STRIP2: variants seen among roughly 807,000 people sequenced by gnomAD.
The protein encoded by STRIP2 is striatin interacting protein 2.
STRIP2 carries 84 observed loss-of-function variants against 107.1 expected under a neutral mutation model. The ratio of observed to expected loss-of-function variants is 0.78; its 90% CI spans 0.66 to 0.94. STRIP2 has a LOEUF of 0.94. Among genes scored for constraint, STRIP2 ranks in the 40% least tolerant of loss-of-function variants. The pLI, the probability that STRIP2 is intolerant of heterozygous loss-of-function variation, is 0.00. For missense variants in STRIP2, 888 were observed against 1,034.2 expected (o/e 0.86, Z 1.94); for synonymous variants, 394 against 400.4 (o/e 0.98, Z 0.19).
At chr7:129,472,500 T>C (rs1798810783) in intron 18 of STRIP2, among the ~76,000 whole-genome samples, 1 of 152,182 alleles carries the variant, frequency 6.6e-6, no homozygotes, top group East Asian at 1.9e-4. Context: ...TTTACTACTT[T>C]GTGTGAAGCA....
chr7:129,447,211 C>CT (rs1798061595), intron 3 of STRIP2, among the ~76,000 whole-genome samples: 1 of 152,192 alleles, frequency 6.6e-6, no homozygotes, highest in Non-Finnish European at 1.5e-5. Context: ...CCACTAAAAA[C>CT]TGGGTGGGGT....
chr7:129,437,015 T>A (rs565349434), intron 1 of STRIP2, among the ~76,000 whole-genome samples: 2 of 152,358 alleles, frequency 1.3e-5, no homozygotes, highest in South Asian at 4.1e-4. Flanking sequence ...TGAGGAAAAT[T>A]CAGGTCATCG....
At chr7:129,468,201 G>A (rs1798715611) in intron 17 of STRIP2, among the ~76,000 whole-genome samples, 2 of 152,162 alleles carry the variant, frequency 1.3e-5, no homozygotes, top group African/African-American at 4.8e-5. Flanking sequence ...AATCAGTAGA[G>A]TTTACCAGAG....
intron 13 of STRIP2, 102 bp from the exon 14 acceptor site, chr7:129,462,864 C>T: frequency 1.2e-6 from 1 of 850,438 alleles, no homozygotes; most frequent in South Asian, 1.6e-5. Context: ...AGATCTGACT[C>T]CCAGCTTAGT....
chr7:129,480,467 G>A (rs1799088845), intron 18 of STRIP2, among the ~76,000 whole-genome samples: 1 of 152,154 alleles, frequency 6.6e-6, no homozygotes, highest in African/African-American at 2.4e-5. Context: ...CTGTATATGG[G>A]GGTAAAATTC....
chr7:129,454,705 C>T (rs769825714), intron 7 of STRIP2, among the ~76,000 whole-genome samples, 178 bp downstream of exon 7: 11 of 152,240 alleles, frequency 7.2e-5, no homozygotes, highest in South Asian at 2.1e-4. Flanking sequence ...GCTTGATTGC[C>T]GCCCTGTATC....
Position 129,485,893 on chromosome 7 carries a change from C to T in STRIP2, c.*64C>T. 1.3e-6 allele frequency: 2 copies of T among 1,583,596 alleles called. No homozygotes were observed. The highest frequency in any genetic ancestry group is 1.1e-5 in the South Asian group (1 of 88,644). On this transcript the variant is annotated 3_prime_UTR_variant, in exon 21 of 21. Coordinates refer to ENST00000249344, the MANE Select transcript of STRIP2 (RefSeq NM_020704.3). ...GCTCCAATAAACTGTGCTCTGCCTA[C>T]CCTGTCCATACAGGCGCTGTTACCA...
intron 19 of STRIP2, among the ~76,000 whole-genome samples, chr7:129,482,536 C>A (rs978468915): frequency 6.6e-5 from 10 of 151,832 alleles, no homozygotes; most frequent in Admixed American, 2.0e-4. Flanking sequence ...TGCCACCACG[C>A]CTGGCTAATT....
chr7:129,434,863 C>G (rs1797689748), intron 1 of STRIP2, among the ~76,000 whole-genome samples: 1 of 152,248 alleles, frequency 6.6e-6, no homozygotes, highest in South Asian at 2.1e-4. Context: ...TTGAGCGGAC[C>G]AGATACTTTC....
Position 129,483,717 on chromosome 7 carries a change from T to C in STRIP2, c.2254+671T>C, listed in dbSNP as rs1374431201. 6.6e-6 allele frequency: 1 copy of C among 152,138 alleles called. No homozygotes were observed. The highest frequency in any genetic ancestry group is 2.4e-5 in the African/African-American group (1 of 41,440). 9.4% of individuals were successfully genotyped at this position (152,138 alleles called of 1,614,324 possible). A position where few individuals can be genotyped will look rare whatever the true frequency, so the allele number is the denominator to read the frequency against. ...GACCACAGGTTGCATCCAGTTGTTA[T>C]ATATATGTTAATTATTTTTGTTTTC... On this transcript the variant is annotated intron_variant, in intron 20 of 20. Coordinates refer to ENST00000249344, the MANE Select transcript of STRIP2 (RefSeq NM_020704.3). The surrounding 1 kb of genome is among the most constrained non-coding windows in gnomAD (Gnocchi z 5.1).
At chr7:129,441,339 ATTGTGACCCAACAAG>A (rs1462836471) in intron 2 of STRIP2, among the ~76,000 whole-genome samples, 2 of 152,062 alleles carry the variant, frequency 1.3e-5, no homozygotes, top group Admixed American at 1.3e-4. Context: ...ATGTGCACAT[ATTGTGACCCAACAAG>A]TCTACTCCTA....
At position 129,467,333 on chromosome 7, in the gene STRIP2, T is replaced by G. The variant is rs753187707; in HGVS notation, c.1777-17T>G. On this transcript the variant is annotated splice_polypyrimidine_tract_variant and intron_variant, in intron 16 of 20. Coordinates refer to ENST00000249344, the MANE Select transcript of STRIP2 (RefSeq NM_020704.3). The stretch of plus-strand genomic sequence containing the variant: ...CCTCCAAATAAGCAGCCCTTTCTGC[T>G]TTGATTTTTAATTCAGTTTGAATAT... The G allele has an allele frequency of 8.8e-6, 14 of 1,596,348 alleles. No individual in the cohort carries two copies. Among genetic ancestry groups the G allele is most frequent in the Non-Finnish European group, 1.0e-5 (12 of 1,164,496 alleles).
chr7:129,476,300 T>C (rs1469448604), intron 18 of STRIP2, among the ~76,000 whole-genome samples: 6 of 110,540 alleles, frequency 5.4e-5, no homozygotes, highest in Non-Finnish European at 1.1e-4. Flanking sequence ...ACTTCCCAGA[T>C]GCGGCGGCTG....
At chr7:129,457,313 G>A (rs760215890) in intron 9 of STRIP2, among the ~76,000 whole-genome samples, 5 of 152,112 alleles carry the variant, frequency 3.3e-5, no homozygotes, top group Non-Finnish European at 5.9e-5. Flanking sequence ...TTACTATACC[G>A]AACACCATAT....
chr7:129,456,338 G>C (rs1273250187), intron 8 of STRIP2, 101 bp from the exon 9 acceptor site: 7 of 995,782 alleles, frequency 7.0e-6, no homozygotes, highest in Non-Finnish European at 9.2e-6. Context: ...GAAGGGACTG[G>C]AGGTTGTGGC....
At chr7:129,474,214 C>T (rs1798861356) in intron 18 of STRIP2, among the ~76,000 whole-genome samples, 1 of 151,616 alleles carries the variant, frequency 6.6e-6, no homozygotes, top group South Asian at 2.1e-4. Context: ...GATCACAGCT[C>T]ACTGCAGTCT....
chr7:129,483,064 T>G lies in STRIP2; in HGVS notation c.2254+18T>G. ...CGGGAATGGTGAGTCTTCCCAAAGC[T>G]CTTGACTTCCTGGAGTTTCCTGGGG... On this transcript the variant is annotated intron_variant, in intron 20 of 20. Transcript: ENST00000249344. This position sits in a 1 kb window ranked among gnomAD's most constrained non-coding sequence, Gnocchi z 5.1. The G allele has an allele frequency of 6.2e-7, 1 of 1,611,942 alleles. No homozygotes were observed. The highest frequency in any genetic ancestry group is 1.3e-5 in the African/African-American group (1 of 74,962).
intron 15 of STRIP2, 145 bp from the exon 16 acceptor site, chr7:129,464,467 C>T (rs1798621931): frequency 2.4e-6 from 2 of 832,048 alleles, no homozygotes. Flanking sequence ...TAAGTGGGAA[C>T]TCTGGAGGTT....
rs1798314080 is a variant in STRIP2 at position 129,455,307 on chromosome 7, G to T, written c.770G>T (p.Cys257Phe). 6.2e-7 allele frequency: 1 copy of T among 1,613,966 alleles called. No homozygotes were observed. Among genetic ancestry groups the T allele is most frequent in the Middle Eastern group, 1.7e-4 (1 of 6,060 alleles). The change falls in exon 8 of 21, where the codon TGC becomes TTC. Residue 257 changes from cysteine (C) to phenylalanine (F), a missense_variant. Coordinates refer to ENST00000249344, the MANE Select transcript of STRIP2 (RefSeq NM_020704.3). Reference protein sequence around the residue: ...LLLFSMVTKFCSGLAPHFPIK... With the variant: ...LLLFSMVTKFFSGLAPHFPIK... ...CTCTTCTCCATGGTTACCAAGTTCT[G>T]CAGTGGCCTGGCTCCTCACTTCCCC...
Sources: gnomAD v4.1 joint callset for allele counts (sites outside exome capture counted in the v4.1 genomes callset) on GRCh38, gnomAD v4.1.1 for gene constraint, Gnocchi (gnomAD v3.1) non-coding constraint, MANE v1.5 for transcripts, NCBI Gene and HGNC (gene_info 2026-07-23, HGNC 2026-07-21) for gene names.